NEK10: variants seen among roughly 807,000 people sequenced by gnomAD.
NEK10 encodes NIMA related kinase 10.
A neutral mutation model predicts 159.8 loss-of-function variants in NEK10; 122 were observed. The observed-to-expected ratio is 0.76, with a 90% CI of 0.66 to 0.89. NEK10 has a LOEUF of 0.89. Ranked by LOEUF, NEK10 falls within the 40% of genes least tolerant of loss-of-function variation. The pLI, the probability that NEK10 is intolerant of heterozygous loss-of-function variation, is 0.00. For missense variants in NEK10, 1,342 were observed against 1,323.1 expected, an observed-to-expected ratio of 1.01 and a Z score of -0.22; for synonymous variants, 466 against 457.1, an observed-to-expected ratio of 1.02 and a Z score of -0.25.
intron 6 of NEK10, among the ~76,000 whole-genome samples, chr3:27,316,136 CA>C (rs763836189): frequency 6.6e-6 from 1 of 152,142 alleles, no homozygotes; most frequent in Non-Finnish European, 1.5e-5. Flanking sequence ...CGTTTTCATG[CA>C]GACCGTGATA....
intron 30 of NEK10, among the ~76,000 whole-genome samples, chr3:27,144,896 ATTT>A (rs759760248): frequency 9.2e-5 from 14 of 151,986 alleles, no homozygotes; most frequent in Non-Finnish European, 1.5e-4. Flanking sequence ...TAACTTTTAT[ATTT>A]TTAGTAGAGA....
rs533180014 is a variant in NEK10 at position 27,272,611 on chromosome 3, G to A, written c.2014+11991C>T. Among the ~76,000 whole-genome samples, 41 of 152,192 alleles carry A rather than the reference G, an allele frequency of 2.7e-4. No individual in the cohort carries two copies. The South Asian group carries it at 4.4e-3, about 16-fold the overall frequency. Reference sequence around the variant, plus strand: ...CCACTTATGTACCAGAAGGTCTTCCGATTGCTATTTTTTACAAAGTTTCCA... The same window carrying A: ...CCACTTATGTACCAGAAGGTCTTCCAATTGCTATTTTTTACAAAGTTTCCA... On this transcript the variant is annotated intron_variant, in intron 22 of 35. Coordinates refer to ENST00000691995, the MANE Select transcript of NEK10 (RefSeq NM_001394966.1).
At chr3:27,171,341 G>T (rs569884509) in intron 29 of NEK10, among the ~76,000 whole-genome samples, 13 of 152,206 alleles carry the variant, frequency 8.5e-5, no homozygotes, top group Non-Finnish European at 1.6e-4. Flanking sequence ...GTGAACAGAA[G>T]TGATGAGCAT....
At chr3:27,317,060 C>T (rs554377709) in intron 6 of NEK10, among the ~76,000 whole-genome samples, 61 of 152,306 alleles carry the variant, frequency 4.0e-4, no homozygotes, top group African/African-American at 1.4e-3. Context: ...ATGAGAAAGA[C>T]GCTTACTCCC....
chr3:27,172,249 C>T (rs1221692686), intron 28 of NEK10, among the ~76,000 whole-genome samples: 25 of 142,612 alleles, frequency 1.8e-4, no homozygotes, highest in African/African-American at 5.6e-4. Context: ...GCAGGAGAAT[C>T]GCTTGAACCC....
chr3:27,160,045 T>C (rs1417263426), intron 30 of NEK10, among the ~76,000 whole-genome samples: 5 of 152,064 alleles, frequency 3.3e-5, no homozygotes, highest in Non-Finnish European at 7.4e-5. Context: ...TCCAACATGT[T>C]CCTTTCTATC....
intron 22 of NEK10, among the ~76,000 whole-genome samples, chr3:27,277,579 A>C (rs1559412692): frequency 6.6e-6 from 1 of 152,288 alleles, no homozygotes; most frequent in Non-Finnish European, 1.5e-5. Flanking sequence ...TAGTTCCTAG[A>C]CACACTATAC....
chr3:27,217,313 A>G (rs754668021), intron 23 of NEK10, among the ~76,000 whole-genome samples: 6 of 152,252 alleles, frequency 3.9e-5, no homozygotes, highest in Non-Finnish European at 1.5e-5. Context: ...TAATTTATAA[A>G]GAAAAAAGTT....
intron 6 of NEK10, among the ~76,000 whole-genome samples, chr3:27,317,739 C>A (rs1367130586): frequency 6.6e-6 from 1 of 152,120 alleles, no homozygotes; most frequent in Non-Finnish European, 1.5e-5. Context: ...ACTGACATGA[C>A]CATTTACTCC....
At chr3:27,190,644 CT>C (rs1406229834) in intron 26 of NEK10, among the ~76,000 whole-genome samples, 1 of 152,184 alleles carries the variant, frequency 6.6e-6, no homozygotes, top group Non-Finnish European at 1.5e-5. Flanking sequence ...TGAAATGACT[CT>C]TTCACATACA....
intron 25 of NEK10, among the ~76,000 whole-genome samples, chr3:27,193,491 T>C (rs985508765): frequency 1.3e-5 from 2 of 151,658 alleles, no homozygotes; most frequent in African/African-American, 4.8e-5. Flanking sequence ...CTTCCTCCAC[T>C]CTTTCCCCTC....
chr3:27,327,374 C>T (rs2149687319), intron 5 of NEK10, among the ~76,000 whole-genome samples: 1 of 152,254 alleles, frequency 6.6e-6, no homozygotes, highest in African/African-American at 2.4e-5. Context: ...ATATTTGTCC[C>T]CTCTTATGAC....
intron 22 of NEK10, among the ~76,000 whole-genome samples, chr3:27,268,683 T>C (rs541927758): frequency 2.4e-4 from 36 of 152,270 alleles, no homozygotes; most frequent in Admixed American, 3.9e-4. Flanking sequence ...TCAAGAGCTC[T>C]GGTGGATATG....
At chr3:27,151,768 G>A (rs1403742976) in intron 30 of NEK10, among the ~76,000 whole-genome samples, 1 of 152,178 alleles carries the variant, frequency 6.6e-6, no homozygotes, top group Admixed American at 6.5e-5. Context: ...AATACAAGAA[G>A]TGAAGGGAGA....
chr3:27,106,799 T>C lies in NEK10; in HGVS notation c.*4473A>G, dbSNP rs889275603. On this transcript the variant is annotated 3_prime_UTR_variant, in exon 36 of 36. Transcript: ENST00000691995. Reference sequence around the variant, plus strand: ...AATTCCAAGTATCCATCTGGATTTGTTGATTGTCAAAATGACAGTCAGCCA... The same window carrying C: ...AATTCCAAGTATCCATCTGGATTTGCTGATTGTCAAAATGACAGTCAGCCA... Among the ~76,000 whole-genome samples, 1 of 152,210 alleles carries C rather than the reference T, an allele frequency of 6.6e-6. No homozygotes were observed. Among genetic ancestry groups the C allele is most frequent in the Non-Finnish European group, 1.5e-5 (1 of 68,032 alleles).
chr3:27,153,319 C>CAAAAAAA (rs34333130), intron 30 of NEK10, among the ~76,000 whole-genome samples: 3 of 90,650 alleles, frequency 3.3e-5, no homozygotes, highest in Non-Finnish European at 4.4e-5. Flanking sequence ...GACTCCATCT[C>CAAAAAAA]AAAAAAAAAA....
At chr3:27,169,557 C>T (rs1380421738) in intron 29 of NEK10, among the ~76,000 whole-genome samples, 2 of 152,186 alleles carry the variant, frequency 1.3e-5, no homozygotes, top group African/African-American at 2.4e-5. Flanking sequence ...AATTAAAAGG[C>T]TCCACCCTAA....
At chr3:27,126,770 C>A (rs1942006778) in intron 32 of NEK10, among the ~76,000 whole-genome samples, 1 of 150,368 alleles carries the variant, frequency 6.7e-6, no homozygotes, top group Admixed American at 6.6e-5. Flanking sequence ...AAAAAAAAAA[C>A]AACAACAAAC....
intron 33 of NEK10, among the ~76,000 whole-genome samples, chr3:27,116,399 G>GGT (rs200663861): frequency 1.3e-5 from 2 of 151,934 alleles, no homozygotes; most frequent in African/African-American, 4.8e-5. Context: ...TAAAGTTAGA[G>GGT]GTGTGTGTGT....
Sources: gnomAD v4.1 joint callset for allele counts (sites outside exome capture counted in the v4.1 genomes callset) on GRCh38, gnomAD v4.1.1 for gene constraint, MANE v1.5 for transcripts, NCBI Gene and HGNC (gene_info 2026-07-23, HGNC 2026-07-21) for gene names.